PTK7: variants seen among roughly 807,000 people sequenced by gnomAD.
The protein encoded by PTK7 is protein tyrosine kinase 7 (inactive), also known as inactive tyrosine-protein kinase 7.
PTK7 carries 39 observed loss-of-function variants against 116.6 expected under a neutral mutation model. The ratio of observed to expected loss-of-function variants is 0.33; its 90% confidence interval spans 0.26 to 0.44. The LOEUF is 0.44. Among genes scored for constraint, PTK7 ranks in the 20% least tolerant of loss-of-function variants. The pLI, the probability that PTK7 is intolerant of heterozygous loss-of-function variation, is 1.00. For synonymous variants in PTK7, 546 were observed against 563.6 expected (o/e 0.97, Z 0.44); for missense variants, 1,169 against 1,425.6 (o/e 0.82, Z 2.90).
Position 43,141,683 on chromosome 6 carries a change from C to G in PTK7, c.1634C>G (p.Pro545Arg). The change falls in exon 11 of 20, where the codon CCA becomes CGA. Residue 545 changes from proline (P) to arginine (R), a missense_variant. By Grantham distance (103) the Pro-to-Arg change is moderately radical. Transcript: ENST00000230419. The surrounding 1 kb of genome is among the most constrained non-coding windows in gnomAD (Gnocchi z 4.9). ...KWERADGSSL[P>R]EWVTDNAGTL... ...ACCCCTGCAGATGGGAGCAGCCTCC[C>G]AGAGTGGGTGACAGACAACGCTGGG... is the stretch of plus-strand genomic sequence containing the variant. The G allele has an allele frequency of 1.2e-6, 2 of 1,614,104 alleles. No homozygotes were observed. The highest frequency in any genetic ancestry group is 1.7e-6 in the Non-Finnish European group (2 of 1,179,994).
chr6:43,130,753 AT>A, intron 5 of PTK7, 92 bp downstream of exon 5: 1 of 1,486,754 alleles, frequency 6.7e-7, no homozygotes, highest in Non-Finnish European at 9.3e-7. Flanking sequence ...GACATCACAG[AT>A]TTGTACATGT....
intron 1 of PTK7, among the ~76,000 whole-genome samples, chr6:43,095,481 T>C (rs1767199129): frequency 6.6e-6 from 1 of 152,118 alleles, no homozygotes; most frequent in Admixed American, 6.5e-5. Flanking sequence ...GCTTAAGCAC[T>C]TTACCACATA....
At chr6:43,109,828 A>G (rs1023072606) in intron 1 of PTK7, among the ~76,000 whole-genome samples, 3 of 151,038 alleles carry the variant, frequency 2.0e-5, no homozygotes, top group Non-Finnish European at 4.4e-5. Flanking sequence ...CCTCCCGAGT[A>G]GCTGGGACTA....
chr6:43,109,694 G>A (rs1768082619), intron 1 of PTK7, among the ~76,000 whole-genome samples: 3 of 150,890 alleles, frequency 2.0e-5, no homozygotes, highest in African/African-American at 7.3e-5. Flanking sequence ...GTGCATTGGA[G>A]TATTTTCTTT....
intron 1 of PTK7, among the ~76,000 whole-genome samples, chr6:43,090,886 TC>T (rs975604589): frequency 1.3e-5 from 2 of 152,168 alleles, no homozygotes; most frequent in African/African-American, 4.8e-5. Flanking sequence ...AAACCTGTTT[TC>T]TTTTTTTTTG....
chr6:43,129,931 C>CCACT lies in PTK7; in HGVS notation c.470+104_470+107dup. The CCACT allele has an allele frequency of 8.9e-7, 1 of 1,123,482 alleles. No individual in the cohort carries two copies. Among genetic ancestry groups the CCACT allele is most frequent in the South Asian group, 1.4e-5 (1 of 70,846 alleles). The allele number at this position is 1,123,482 out of a possible 1,614,324, so 69.6% of individuals were successfully genotyped here. On this transcript the variant is annotated intron_variant, in intron 3 of 19. Coordinates refer to ENST00000230419, the MANE Select transcript of PTK7 (RefSeq NM_002821.5). The surrounding 1 kb of genome is among the most constrained non-coding windows in gnomAD (Gnocchi z 4.5). ...GATGTTACCTCGCTCCATTCTGTGA[C>CCACT]CACTCGTTCCACCACCACAGTGCTC...
At chr6:43,142,531 TG>T (rs891747993) in intron 13 of PTK7, 24 of 677,520 alleles carry the variant, frequency 3.5e-5, no homozygotes, top group East Asian at 6.0e-5. Context: ...TGTGGGGGAG[TG>T]GGGGGGTGTT....
chr6:43,139,836 G>A lies in PTK7; in HGVS notation c.1618+311G>A, dbSNP rs186193466. Among the ~76,000 whole-genome samples the A allele has an allele frequency of 3.3e-5, 5 of 152,350 alleles. No homozygotes were observed. In the East Asian group the frequency reaches 5.8e-4, roughly 18 times the overall value. ...CCAACATAAAAATTACATGGAGGCCGTGCATAGTGGCTCACGCCTGTAATC... is the reference window on the plus strand; with the variant it reads ...CCAACATAAAAATTACATGGAGGCCATGCATAGTGGCTCACGCCTGTAATC... On this transcript the variant is annotated intron_variant, in intron 10 of 19. Transcript: ENST00000230419. This position sits in a 1 kb window ranked among gnomAD's most constrained non-coding sequence, Gnocchi z 4.6.
rs763239581 is a variant in PTK7 at position 43,141,894 on chromosome 6, A to AC, written c.1769-33dup. 140 of 1,594,338 alleles carry AC rather than the reference A, an allele frequency of 8.8e-5. No homozygotes were observed. The highest frequency in any genetic ancestry group is 1.2e-4 in the Non-Finnish European group (135 of 1,167,962). On this transcript the variant is annotated intron_variant, in intron 11 of 19. Coordinates refer to ENST00000230419, the MANE Select transcript of PTK7 (RefSeq NM_002821.5). The surrounding 1 kb of genome is among the most constrained non-coding windows in gnomAD (Gnocchi z 4.9). ...GTGTACCCTGCCAGCCCCTTGGCTT[A>AC]CCCCTCCCTGCGCCTCGCTGGTCTC...
chr6:43,132,263 G>A (rs1210931257), intron 6 of PTK7, 99 bp downstream of exon 6: 1 of 1,512,270 alleles, frequency 6.6e-7, no homozygotes, highest in African/African-American at 1.4e-5. Flanking sequence ...CGCTTGGAGG[G>A]CAGGGGAAGA....
At chr6:43,137,078 A>C (rs943332885) in intron 7 of PTK7, among the ~76,000 whole-genome samples, 6 of 152,216 alleles carry the variant, frequency 3.9e-5, no homozygotes, top group African/African-American at 1.4e-4. Flanking sequence ...GTTGAAAGGG[A>C]TGGGAGGATT....
rs753429500 is a variant in PTK7, at chr6:43,142,094, C to G, written c.1919+13C>G. 3.1e-6 allele frequency: 5 copies of G among 1,612,518 alleles called. No individual in the cohort carries two copies. Among genetic ancestry groups the G allele is most frequent in the South Asian group, 1.1e-5 (1 of 90,916 alleles). On this transcript the variant is annotated intron_variant, in intron 12 of 19. Transcript: ENST00000230419. Reference sequence around the variant, plus strand: ...AGCTGGGACCCAGGTAGGGCCACCTCTCTCCCACACCCGTCCCTCCTCTCC... The same window carrying G: ...AGCTGGGACCCAGGTAGGGCCACCTGTCTCCCACACCCGTCCCTCCTCTCC...
At chr6:43,083,668 G>A (rs992906977) in intron 1 of PTK7, among the ~76,000 whole-genome samples, 4 of 152,130 alleles carry the variant, frequency 2.6e-5, no homozygotes, top group African/African-American at 9.7e-5. Context: ...TTCCCCTCTC[G>A]CAACTTGGTT....
At chr6:43,100,960 C>G (rs1181726660) in intron 1 of PTK7, among the ~76,000 whole-genome samples, 2 of 152,194 alleles carry the variant, frequency 1.3e-5, no homozygotes, top group African/African-American at 4.8e-5. Flanking sequence ...TCACTGGGTG[C>G]GGTGGCTCAC....
chr6:43,140,280 C>G (rs961415618), intron 10 of PTK7, among the ~76,000 whole-genome samples: 1 of 151,968 alleles, frequency 6.6e-6, no homozygotes, highest in African/African-American at 2.4e-5. Context: ...AGTGAAACCT[C>G]GTCTCTACTG....
Position 43,132,117 on chromosome 6 carries a change from G to A in PTK7, c.914G>A (p.Gly305Glu). The A allele has an allele frequency of 1.9e-6, 3 of 1,613,842 alleles. No individual in the cohort carries two copies. The highest frequency in any genetic ancestry group is 1.7e-6 in the Non-Finnish European group (2 of 1,179,858). ...GGGATCTACCGCTGCATTGGCCAGG[G>A]GCAGAGGGGCCCACCCATCATCCTG... The part of the protein sequence containing the change: ...NAGIYRCIGQ[G>E]QRGPPIILEA... Residue 305 changes from glycine to glutamate, a missense_variant, in exon 6 of 20, where the codon GGG (glycine) becomes GAG (glutamate). Physicochemically the swap from Gly to Glu is moderately conservative, Grantham distance 98. Coordinates refer to ENST00000230419, the MANE Select transcript of PTK7 (RefSeq NM_002821.5).
intron 1 of PTK7, among the ~76,000 whole-genome samples, chr6:43,111,940 C>A (rs1172542875): frequency 1.3e-5 from 2 of 152,008 alleles, no homozygotes; most frequent in African/African-American, 4.8e-5. Flanking sequence ...CCTTGGCCTC[C>A]CAAAGTGCTG....
intron 1 of PTK7, among the ~76,000 whole-genome samples, chr6:43,089,693 C>T (rs1766842037): frequency 6.6e-6 from 1 of 152,220 alleles, no homozygotes; most frequent in Non-Finnish European, 1.5e-5. Flanking sequence ...TCCTCTACCC[C>T]AGGGATCCAG....
chr6:43,076,947 A>G lies in PTK7; in HGVS notation c.79+380A>G. On this transcript the variant is annotated intron_variant, in intron 1 of 19. Transcript: ENST00000230419. This position sits in a 1 kb window ranked among gnomAD's most constrained non-coding sequence, Gnocchi z 5.7. ...ACCCACCGTGGGGAGCGCGATGGAG[A>G]AAAAGGAATTCCCCACCCCACCCGG... 6.6e-7 allele frequency: 1 copy of G among 1,511,718 alleles called. No individual in the cohort carries two copies. Among genetic ancestry groups the G allele is most frequent in the Non-Finnish European group, 8.8e-7 (1 of 1,130,302 alleles). The allele number at this position is 1,511,718 out of a possible 1,614,324, so 93.6% of individuals were successfully genotyped here. A position where few individuals can be genotyped will look rare whatever the true frequency, so the allele number is the denominator to read the frequency against.
Sources: allele counts gnomAD v4.1 joint callset (sites outside exome capture counted in the v4.1 genomes callset), GRCh38; gene constraint gnomAD v4.1.1; non-coding constraint Gnocchi (gnomAD v3.1); transcripts MANE v1.5; gene names NCBI Gene and HGNC (gene_info 2026-07-23, HGNC 2026-07-21).